Variants in TAFA1 observed in about 807,000 individuals in gnomAD.
The protein encoded by TAFA1 is TAFA chemokine like family member 1.
TAFA1 carries 4 observed loss-of-function variants against 18.5 expected under a neutral mutation model. The ratio of observed to expected loss-of-function variants is 0.22; its 90% CI spans 0.11 to 0.49. The LOEUF is 0.49. Among genes scored for constraint, TAFA1 ranks in the 20% least tolerant of loss-of-function variants. The probability of loss-of-function intolerance (pLI) is 0.98; values close to 1 mark genes in which losing one functional copy is unlikely to be tolerated. For missense variants in TAFA1, 147 were observed against 169.0 expected, an observed-to-expected ratio of 0.87 and a Z score of 0.72; for synonymous variants, 56 against 55.2, an observed-to-expected ratio of 1.01 and a Z score of -0.06.
At chr3:68,088,658 T>C (rs529396541) in intron 2 of TAFA1, among the ~76,000 whole-genome samples, 2 of 152,370 alleles carry the variant, frequency 1.3e-5, no homozygotes, top group East Asian at 3.9e-4. Flanking sequence ...TGATTCCATC[T>C]GTCAAAGCCA....
chr3:68,006,451 A>G, intron 1 of TAFA1, 173 bp from the exon 2 acceptor site: 1 of 563,752 alleles, frequency 1.8e-6, no homozygotes. Flanking sequence ...TCATCTGAAA[A>G]GGGCTTTCTC....
intron 2 of TAFA1, among the ~76,000 whole-genome samples, chr3:68,046,903 T>C (rs1006390006): frequency 1.3e-5 from 2 of 152,214 alleles, no homozygotes; most frequent in South Asian, 2.1e-4. Flanking sequence ...CTGGCAAGTA[T>C]TATAGTATCA....
rs2066834328 is a variant in TAFA1, at chr3:68,228,744, G to C, written c.119-188536G>C. Among the ~76,000 whole-genome samples, 3 of 152,294 alleles carry C rather than the reference G, an allele frequency of 2.0e-5. No individual in the cohort carries two copies. The South Asian group carries it at 6.2e-4, about 32-fold the overall frequency. On this transcript the variant is annotated intron_variant, in intron 2 of 4. Transcript: ENST00000478136. ...AAAAGAAACAATTCTTTGCTTCTTA[G>C]TAAAACCAGCTTTGGGAAATATGCC... is the stretch of plus-strand genomic sequence containing the variant.
intron 2 of TAFA1, among the ~76,000 whole-genome samples, chr3:68,094,228 T>A (rs1205668777): frequency 6.6e-6 from 1 of 152,132 alleles, no homozygotes; most frequent in African/African-American, 2.4e-5. Context: ...CCATCCATCA[T>A]GATTTCCAAC....
At chr3:68,361,744 T>C (rs1432670006) in intron 2 of TAFA1, among the ~76,000 whole-genome samples, 1 of 152,012 alleles carries the variant, frequency 6.6e-6, no homozygotes, top group African/African-American at 2.4e-5. Context: ...TTCATGAGCA[T>C]GTATTATTTG....
intron 2 of TAFA1, among the ~76,000 whole-genome samples, chr3:68,087,936 T>C (rs192024586): frequency 1.1e-3 from 171 of 152,330 alleles, no homozygotes; most frequent in African/African-American, 4.0e-3. Flanking sequence ...AAACATTTAT[T>C]GAGCTGATAC....
chr3:68,502,454 C>T (rs7653892), intron 3 of TAFA1, among the ~76,000 whole-genome samples: 35,214 of 151,892 alleles, frequency 0.23, 4,344 homozygotes, highest in Admixed American at 0.28. Context: ...TATTTCAGAC[C>T]ATTGATGGAT....
chr3:68,395,775 G>A (rs1282167473), intron 2 of TAFA1, among the ~76,000 whole-genome samples: 4 of 152,092 alleles, frequency 2.6e-5, no homozygotes, highest in Non-Finnish European at 5.9e-5. Context: ...ATGGGCTCAG[G>A]GAGGGGAATA....
intron 3 of TAFA1, among the ~76,000 whole-genome samples, chr3:68,424,469 A>G (rs1324859464): frequency 6.6e-6 from 1 of 152,084 alleles, no homozygotes; most frequent in Non-Finnish European, 1.5e-5. Flanking sequence ...ATTTTTTAAC[A>G]AAATAAAATT....
At position 68,307,933 on chromosome 3, in the gene TAFA1, TA is replaced by T. The variant is rs546875261; in HGVS notation, c.119-109345del. 3.5e-3 allele frequency among the ~76,000 whole-genome samples: 537 copies of T among 152,300 alleles called. 4 individuals are homozygous for T. The highest frequency in any genetic ancestry group is 0.012 in the African/African-American group (515 of 41,576). On this transcript the variant is annotated intron_variant, in intron 2 of 4. Coordinates refer to ENST00000478136, the MANE Select transcript of TAFA1 (RefSeq NM_213609.4). ...CTCACTGGTTTCTAATATGACTGTT[TA>T]AGCCTTCTTAAGTGTTCTGAAATTA...
At chr3:68,404,205 T>TTGAA (rs1210277709) in intron 2 of TAFA1, among the ~76,000 whole-genome samples, 8 of 152,148 alleles carry the variant, frequency 5.3e-5, no homozygotes, top group Admixed American at 5.2e-4. Context: ...GTGGAAGCAG[T>TTGAA]TGAAACCCAG....
In TAFA1 at chr3:68,192,889, A is replaced by G. The variant is rs1029989420; in HGVS notation, c.118+186145A>G. Among the ~76,000 whole-genome samples, 7 of 151,734 alleles carry G rather than the reference A, an allele frequency of 4.6e-5. No individual in the cohort carries two copies. The South Asian group carries it at 1.2e-3, about 27-fold the overall frequency. ...AATTTACTCAGGAATGGAAGAGGCT[A>G]TAATATAGTTCAGAATAGGGAACAG... On this transcript the variant is annotated intron_variant, in intron 2 of 4. Coordinates refer to ENST00000478136, the MANE Select transcript of TAFA1 (RefSeq NM_213609.4).
intron 2 of TAFA1, among the ~76,000 whole-genome samples, chr3:68,221,735 T>C (rs1323698114): frequency 1.3e-5 from 2 of 152,192 alleles, no homozygotes; most frequent in African/African-American, 4.8e-5. Context: ...GTACAGAGAA[T>C]AGAATGAGCA....
rs2064967228 is a variant in TAFA1, at chr3:68,086,109, C to T, written c.118+79365C>T. On this transcript the variant is annotated intron_variant, in intron 2 of 4. Transcript: ENST00000478136. The stretch of plus-strand genomic sequence containing the variant: ...AATACTAAAATGGGCAGTTATTAAC[C>T]AAGCATCTGGAAGTGGAGAATTACC... 2.0e-5 allele frequency among the ~76,000 whole-genome samples: 3 copies of T among 152,188 alleles called. No individual in the cohort carries two copies. The South Asian group carries it at 6.2e-4, about 31-fold the overall frequency.
chr3:68,523,198 C>A (rs1176279364), intron 3 of TAFA1, among the ~76,000 whole-genome samples: 1 of 152,148 alleles, frequency 6.6e-6, no homozygotes, highest in Non-Finnish European at 1.5e-5. Flanking sequence ...GAACATGAAC[C>A]CCACCCAAAG....
At chr3:68,443,457 G>C (rs1257424851) in intron 3 of TAFA1, among the ~76,000 whole-genome samples, 1 of 127,786 alleles carries the variant, frequency 7.8e-6, no homozygotes, top group South Asian at 2.5e-4. Context: ...AGACACACCA[G>C]AGACTGGGCA....
rs529431517 is a variant in TAFA1 at position 68,015,769 on chromosome 3, C to G, written c.118+9025C>G. ...AATTTATCTTGAAACCCAAGATTCT[C>G]TTTTGAGAAAATGATTTATGATATC... On this transcript the variant is annotated intron_variant, in intron 2 of 4. Transcript: ENST00000478136. Among the ~76,000 whole-genome samples, 12 of 152,250 alleles carry G rather than the reference C, an allele frequency of 7.9e-5. No homozygotes were observed. In the East Asian group the frequency reaches 2.3e-3, roughly 29 times the overall value.
chr3:68,180,012 T>TATTTTA (rs1553649126), intron 2 of TAFA1, among the ~76,000 whole-genome samples: 1 of 140,322 alleles, frequency 7.1e-6, no homozygotes, highest in African/African-American at 2.6e-5. Flanking sequence ...AACACATAAT[T>TATTTTA]TTATTATTAT....
rs7627642 is a variant in TAFA1, at chr3:68,531,390, G to A, written c.260-7366G>A. On this transcript the variant is annotated intron_variant, in intron 3 of 4. Coordinates refer to ENST00000478136, the MANE Select transcript of TAFA1 (RefSeq NM_213609.4). ...TAAAGCACACTTGAAAGAGGGACAAGCGGGTGACTTGAGAGATCCAAGTGC... is the reference window on the plus strand; with the variant it reads ...TAAAGCACACTTGAAAGAGGGACAAACGGGTGACTTGAGAGATCCAAGTGC... Among the ~76,000 whole-genome samples, 713 of 152,088 alleles carry A rather than the reference G, an allele frequency of 4.7e-3. 6 individuals carry two copies. Among genetic ancestry groups the A allele is most frequent in the African/African-American group, 0.016 (676 of 41,382 alleles).
Sources: allele counts gnomAD v4.1 joint callset (sites outside exome capture counted in the v4.1 genomes callset), GRCh38; gene constraint gnomAD v4.1.1; transcripts MANE v1.5; gene names NCBI Gene and HGNC (gene_info 2026-07-23, HGNC 2026-07-21).